Variants in HCN1 observed in about 807,000 individuals in gnomAD.
HCN1 encodes the protein hyperpolarization activated cyclic nucleotide gated potassium channel 1.
In HCN1, 13 loss-of-function variants were observed where a neutral mutation model predicts 78.9. That is an observed-to-expected ratio of 0.16 (90% CI 0.11 to 0.26). The LOEUF is 0.26. Among genes scored for constraint, HCN1 ranks in the 10% least tolerant of loss-of-function variants. The probability of loss-of-function intolerance (pLI) is 1.00; values close to 1 mark genes in which losing one functional copy is unlikely to be tolerated. For missense variants in HCN1, 810 were observed against 1,154.3 expected (o/e 0.70, Z 4.32); for synonymous variants, 552 against 455.5 (o/e 1.21, Z -2.70).
chr5:45,496,564 T>A (rs1217681551), intron 2 of HCN1, among the ~76,000 whole-genome samples: 1 of 152,178 alleles, frequency 6.6e-6, no homozygotes, highest in African/African-American at 2.4e-5. Flanking sequence ...CCTTTACCAT[T>A]TTTTATTGCG....
intron 4 of HCN1, among the ~76,000 whole-genome samples, chr5:45,376,690 G>A (rs1175437560): frequency 6.6e-6 from 1 of 151,806 alleles, no homozygotes; most frequent in African/African-American, 2.4e-5. Flanking sequence ...TCTTCATGAG[G>A]ACCCTGAGGT....
At chr5:45,664,558 G>C (rs958244106) in intron 1 of HCN1, among the ~76,000 whole-genome samples, 5 of 148,976 alleles carry the variant, frequency 3.4e-5, no homozygotes, top group African/African-American at 1.2e-4. Context: ...ATCTGACAAA[G>C]GGCTAATATC....
chr5:45,622,150 A>G (rs546778902), intron 2 of HCN1, among the ~76,000 whole-genome samples: 115 of 151,932 alleles, frequency 7.6e-4, no homozygotes, highest in Non-Finnish European at 1.4e-3. Flanking sequence ...TGAACCCAGG[A>G]GGCCGAGATC....
intron 2 of HCN1, among the ~76,000 whole-genome samples, chr5:45,573,931 C>T (rs1054083604): frequency 6.6e-5 from 10 of 151,820 alleles, no homozygotes; most frequent in South Asian, 2.1e-4. Flanking sequence ...TGAATTTGCC[C>T]TTATAAATTA....
Position 45,398,895 on chromosome 5 carries a change from A to G in HCN1, c.1012-2185T>C, listed in dbSNP as rs1739740432. Among the ~76,000 whole-genome samples, 3 of 152,238 alleles carry G rather than the reference A, an allele frequency of 2.0e-5. 1 individual carries two copies. Among genetic ancestry groups the G allele is most frequent in the African/African-American group, 7.2e-5 (3 of 41,466 alleles). ...TTTGCAGCAGCTTTCAAAACTGGAC[A>G]TTGTAAACACTGAGGAATTCTAATG... On this transcript the variant is annotated intron_variant, in intron 3 of 7. Transcript: ENST00000303230.
At chr5:45,264,158 GGTT>G (rs1744807947) in intron 7 of HCN1, among the ~76,000 whole-genome samples, 1 of 152,142 alleles carries the variant, frequency 6.6e-6, no homozygotes, top group African/African-American at 2.4e-5. Flanking sequence ...TCTTCTGAAT[GGTT>G]GTTGTGAGGA....
At chr5:45,356,244 A>T (rs1235987213) in intron 4 of HCN1, among the ~76,000 whole-genome samples, 3 of 152,026 alleles carry the variant, frequency 2.0e-5, no homozygotes, top group African/African-American at 7.2e-5. Flanking sequence ...ATTTTTGAAA[A>T]GCAAGGATGC....
intron 5 of HCN1, among the ~76,000 whole-genome samples, chr5:45,328,391 T>C (rs1313210626): frequency 6.6e-6 from 1 of 151,604 alleles, no homozygotes; most frequent in Non-Finnish European, 1.5e-5. Context: ...ATTTTATGGC[T>C]CTCTGGCATA....
At chr5:45,585,848 T>G (rs1033846127) in intron 2 of HCN1, among the ~76,000 whole-genome samples, 15 of 152,238 alleles carry the variant, frequency 9.9e-5, no homozygotes, top group South Asian at 6.2e-4. Flanking sequence ...CGGATATTGG[T>G]GAACAGCAAA....
At chr5:45,591,531 G>A (rs1309419552) in intron 2 of HCN1, among the ~76,000 whole-genome samples, 1 of 152,114 alleles carries the variant, frequency 6.6e-6, no homozygotes, top group Non-Finnish European at 1.5e-5. Flanking sequence ...ATGACATGAA[G>A]CATCTTTTTC....
chr5:45,410,076 C>T (rs1739995858), intron 3 of HCN1, among the ~76,000 whole-genome samples: 1 of 151,836 alleles, frequency 6.6e-6, no homozygotes, highest in Admixed American at 6.6e-5. Context: ...ATAATACTGA[C>T]CATAGCACAA....
At chr5:45,338,466 T>A (rs556378848) in intron 5 of HCN1, among the ~76,000 whole-genome samples, 19 of 152,306 alleles carry the variant, frequency 1.2e-4, no homozygotes, top group African/African-American at 4.1e-4. Flanking sequence ...GTATATTAGA[T>A]GTGTGTATAC....
At chr5:45,363,145 C>CATATATAT (rs34074894) in intron 4 of HCN1, among the ~76,000 whole-genome samples, 1,987 of 131,194 alleles carry the variant, frequency 0.015, 52 homozygotes, top group African/African-American at 0.055. Context: ...TATATATATA[C>CATATATAT]ATATATATAT....
At chr5:45,665,140 A>C (rs1467012407) in intron 1 of HCN1, among the ~76,000 whole-genome samples, 11 of 151,896 alleles carry the variant, frequency 7.2e-5, no homozygotes, top group East Asian at 1.9e-4. Context: ...GAGTTCATGT[A>C]CTTTGTAGGG....
At chr5:45,544,872 C>G (rs1489676752) in intron 2 of HCN1, among the ~76,000 whole-genome samples, 2 of 152,016 alleles carry the variant, frequency 1.3e-5, no homozygotes, top group African/African-American at 2.4e-5. Flanking sequence ...GGACTGGTTC[C>G]AAGTCTTTGC....
chr5:45,362,782 T>C (rs556594611), intron 4 of HCN1, among the ~76,000 whole-genome samples: 22 of 152,192 alleles, frequency 1.4e-4, no homozygotes, highest in African/African-American at 4.6e-4. Context: ...CTAGGCAATA[T>C]GGCTTCAGAC....
At chr5:45,546,859 C>T (rs1009174593) in intron 2 of HCN1, among the ~76,000 whole-genome samples, 4 of 151,914 alleles carry the variant, frequency 2.6e-5, no homozygotes, top group South Asian at 2.1e-4. Flanking sequence ...GTTGTTTTCA[C>T]GAGTAGAATA....
At chr5:45,343,525 G>C (rs1746629778) in intron 5 of HCN1, among the ~76,000 whole-genome samples, 1 of 152,164 alleles carries the variant, frequency 6.6e-6, no homozygotes, top group Non-Finnish European at 1.5e-5. Context: ...TGGATGTACA[G>C]AGCACAGAAA....
chr5:45,271,515 C>A (rs1744960713), intron 6 of HCN1, among the ~76,000 whole-genome samples: 1 of 152,048 alleles, frequency 6.6e-6, no homozygotes, highest in Non-Finnish European at 1.5e-5. Context: ...GAGAATTAGA[C>A]ACCCATTTAT....
Sources: gnomAD v4.1 joint callset for allele counts (sites outside exome capture counted in the v4.1 genomes callset) on GRCh38, gnomAD v4.1.1 for gene constraint, MANE v1.5 for transcripts, NCBI Gene and HGNC (gene_info 2026-07-23, HGNC 2026-07-21) for gene names.